HPSE2: variants seen among roughly 807,000 people sequenced by gnomAD.
The protein encoded by HPSE2 is heparanase 2 (inactive), also known as inactive heparanase-2.
In HPSE2, 38 loss-of-function variants were observed where a neutral mutation model predicts 60.5. The observed-to-expected ratio is 0.63, with a 90% CI of 0.48 to 0.82. The LOEUF is 0.82. HPSE2 is among the 40% of genes least tolerant of loss of function. HPSE2 has a pLI of 0.00. For synonymous variants in HPSE2, 295 were observed against 293.2 expected (o/e 1.01, Z -0.06); for missense variants, 713 against 740.4 (o/e 0.96, Z 0.43).
At chr10:99,038,749 T>C (rs561598640) in intron 3 of HPSE2, among the ~76,000 whole-genome samples, 27 of 152,292 alleles carry the variant, frequency 1.8e-4, no homozygotes, top group East Asian at 9.6e-4. Flanking sequence ...GTGAAGGATA[T>C]AGGAGACCGC....
upstream of HPSE2, chr10:99,236,011 T>A (rs144694698): frequency 2.0e-5 from 9 of 455,542 alleles, no homozygotes; most frequent in Admixed American, 3.9e-5. Flanking sequence ...TTTTTTTTTT[T>A]AATTTTTTTT....
At chr10:99,091,856 C>T (rs1028479222) in intron 3 of HPSE2, among the ~76,000 whole-genome samples, 2 of 152,156 alleles carry the variant, frequency 1.3e-5, no homozygotes, top group Non-Finnish European at 2.9e-5. Flanking sequence ...CCTTCATTAA[C>T]TTAAAATTCA....
chr10:98,910,070 A>G (rs1431408828), intron 3 of HPSE2, among the ~76,000 whole-genome samples: 1 of 152,208 alleles, frequency 6.6e-6, no homozygotes, highest in Admixed American at 6.5e-5. Context: ...AGTGTTCATA[A>G]AAATAATAGC....
chr10:99,180,192 T>G (rs544915606), intron 2 of HPSE2, among the ~76,000 whole-genome samples: 1 of 152,250 alleles, frequency 6.6e-6, no homozygotes, highest in East Asian at 1.9e-4. Flanking sequence ...ATTCAGGACA[T>G]AGGCATGGGC....
intron 2 of HPSE2, among the ~76,000 whole-genome samples, chr10:99,209,793 G>A (rs893654441): frequency 3.9e-5 from 6 of 152,122 alleles, no homozygotes; most frequent in African/African-American, 1.2e-4. Context: ...GGGTTCAAGC[G>A]ATTCTTCTGC....
intron 4 of HPSE2, among the ~76,000 whole-genome samples, chr10:98,724,420 G>A (rs1949014475): frequency 6.6e-6 from 1 of 152,160 alleles, no homozygotes; most frequent in South Asian, 2.1e-4. Flanking sequence ...GTGGTGTGGT[G>A]CTGAAAAGAA....
chr10:99,209,945 C>T (rs1848899633), intron 2 of HPSE2, among the ~76,000 whole-genome samples: 1 of 152,230 alleles, frequency 6.6e-6, no homozygotes, highest in Non-Finnish European at 1.5e-5. Context: ...ACCTCAGCCT[C>T]CCAAAGTGCT....
intron 9 of HPSE2, among the ~76,000 whole-genome samples, chr10:98,593,561 G>C (rs1039027120): frequency 1.3e-5 from 2 of 152,160 alleles, no homozygotes; most frequent in African/African-American, 2.4e-5. Context: ...GAAGACTGCT[G>C]TGATGATCCA....
At chr10:98,948,914 A>G (rs1239500349) in intron 3 of HPSE2, among the ~76,000 whole-genome samples, 1 of 152,192 alleles carries the variant, frequency 6.6e-6, no homozygotes, top group Non-Finnish European at 1.5e-5. Flanking sequence ...AATATACAAT[A>G]TAATAAATAC....
At chr10:99,059,879 A>G (rs1424478108) in intron 3 of HPSE2, among the ~76,000 whole-genome samples, 1 of 152,182 alleles carries the variant, frequency 6.6e-6, no homozygotes, top group Non-Finnish European at 1.5e-5. Flanking sequence ...AGCATAAAAG[A>G]CATACAAAAG....
rs192434724 is a variant in HPSE2 at position 98,779,034 on chromosome 10, A to G, written c.611-34978T>C. On this transcript the variant is annotated intron_variant, in intron 3 of 11. Coordinates refer to ENST00000370552, the MANE Select transcript of HPSE2 (RefSeq NM_021828.5). ...ATATCAAATTGCAAATGAATATCTAAATAACATGTTGAAAAAGACATTAAG... is the reference window on the plus strand; with the variant it reads ...ATATCAAATTGCAAATGAATATCTAGATAACATGTTGAAAAAGACATTAAG... 5.9e-5 allele frequency among the ~76,000 whole-genome samples: 9 copies of G among 152,308 alleles called. No homozygotes were observed. The East Asian group carries it at 1.7e-3, about 29-fold the overall frequency.
chr10:98,471,662 G>A lies in HPSE2; in HGVS notation c.1613+10974C>T, dbSNP rs892339048. On this transcript the variant is annotated intron_variant, in intron 11 of 11. Transcript: ENST00000370552. ...TTCGCTGGATGTCTTGCCCCCTCCC[G>A]CTTGTACCTTGGTGGGATGATTATG... is the stretch of plus-strand genomic sequence containing the variant. Among the ~76,000 whole-genome samples, 5 of 151,942 alleles carry A rather than the reference G, an allele frequency of 3.3e-5. No individual in the cohort carries two copies. The East Asian group carries it at 5.8e-4, about 18-fold the overall frequency.
intron 10 of HPSE2, among the ~76,000 whole-genome samples, chr10:98,483,866 T>C (rs1941340616): frequency 6.6e-6 from 1 of 152,190 alleles, no homozygotes; most frequent in African/African-American, 2.4e-5. Context: ...TGGGGGCTAT[T>C]CATTATTGCA....
At chr10:98,508,573 C>T (rs1175994448) in intron 9 of HPSE2, among the ~76,000 whole-genome samples, 2 of 152,130 alleles carry the variant, frequency 1.3e-5, no homozygotes. Context: ...ATGAGTTAAA[C>T]AATTACTTAA....
chr10:99,263,398 C>T, the HPSE2 span, among the ~76,000 whole-genome samples: 1 of 152,224 alleles, frequency 6.6e-6, no homozygotes, highest in African/African-American at 2.4e-5. Flanking sequence ...CTTCCATATC[C>T]TGCACCACCA....
At chr10:99,232,090 C>T (rs968964869) in intron 2 of HPSE2, among the ~76,000 whole-genome samples, 6 of 152,060 alleles carry the variant, frequency 3.9e-5, no homozygotes, top group African/African-American at 1.4e-4. Context: ...CTGGAGAACC[C>T]CCTTTGCGCA....
rs538837310 is a variant in HPSE2 at position 98,566,719 on chromosome 10, T to C, written c.1320+48185A>G. The stretch of plus-strand genomic sequence containing the variant: ...TGGAGAGCTGGGGAAAACTTGCCCC[T>C]GAACACAATGTGCTTATGTTTGAGA... On this transcript the variant is annotated intron_variant, in intron 9 of 11. Transcript: ENST00000370552. Among the ~76,000 whole-genome samples, 31 of 152,276 alleles carry C rather than the reference T, an allele frequency of 2.0e-4. No individual in the cohort carries two copies. In the South Asian group the frequency reaches 6.4e-3, roughly 32 times the overall value.
At chr10:98,973,590 A>G (rs1239640804) in intron 3 of HPSE2, among the ~76,000 whole-genome samples, 4 of 152,200 alleles carry the variant, frequency 2.6e-5, no homozygotes, top group Non-Finnish European at 5.9e-5. Context: ...AAAACTTTAA[A>G]AAGCATCTGG....
At chr10:98,490,024 C>CT in intron 10 of HPSE2, 27 bp downstream of exon 10, 1 of 1,613,948 alleles carries the variant, frequency 6.2e-7, no homozygotes, top group Non-Finnish European at 8.5e-7. Context: ...CTCAGGTGGC[C>CT]TTTCTGCCAT....
Sources: allele counts gnomAD v4.1 joint callset (sites outside exome capture counted in the v4.1 genomes callset), GRCh38; gene constraint gnomAD v4.1.1; transcripts MANE v1.5; gene names NCBI Gene and HGNC (gene_info 2026-07-23, HGNC 2026-07-21).